DYM: variants seen among roughly 807,000 people sequenced by gnomAD.
The protein encoded by DYM is dyggve-Melchior-Clausen syndrome protein.
In DYM, 78 loss-of-function variants were observed where a neutral mutation model predicts 93.1. The observed-to-expected ratio is 0.84, with a 90% confidence interval of 0.70 to 1.01. DYM has a LOEUF of 1.01. Among genes scored for constraint, DYM ranks in the 50% least tolerant of loss-of-function variants. The pLI, the probability that DYM is intolerant of heterozygous loss-of-function variation, is 0.00. For missense variants in DYM, 789 were observed against 845.0 expected, an observed-to-expected ratio of 0.93 and a Z score of 0.82; for synonymous variants, 321 against 319.7, an observed-to-expected ratio of 1.00 and a Z score of -0.04.
In DYM at chr18:49,070,261, G is replaced by A. The variant is rs149409112; in HGVS notation, c.2026-26057C>T. Among the ~76,000 whole-genome samples the A allele has an allele frequency of 2.1e-3, 313 of 152,334 alleles. 2 individuals carry two copies. The highest frequency in any genetic ancestry group is 6.6e-3 in the African/African-American group (276 of 41,574). ...AACAGTTACTGAGAGCTTGCTTTGT[G>A]CTAGGGAGTTTACGTGCATTGTTTC... On this transcript the variant is annotated intron_variant, in intron 17 of 17. Coordinates refer to ENST00000675505, the MANE Select transcript of DYM (RefSeq NM_001353214.3).
intron 13 of DYM, among the ~76,000 whole-genome samples, chr18:49,231,053 T>G (rs1376117249): frequency 6.6e-6 from 1 of 152,240 alleles, no homozygotes; most frequent in African/African-American, 2.4e-5. Flanking sequence ...AATATTCATC[T>G]TTTAGATAGA....
chr18:49,365,123 A>G (rs2066402775), intron 5 of DYM, among the ~76,000 whole-genome samples: 1 of 152,142 alleles, frequency 6.6e-6, no homozygotes, highest in African/African-American at 2.4e-5. Flanking sequence ...AAAATCCAGC[A>G]GTTAATTGCA....
chr18:49,064,353 T>C (rs2076228263), intron 17 of DYM, among the ~76,000 whole-genome samples: 1 of 152,238 alleles, frequency 6.6e-6, no homozygotes, highest in Admixed American at 6.5e-5. Context: ...TTTAAGCTAA[T>C]CTTTTTATTC....
chr18:49,368,991 C>T (rs763984211), intron 5 of DYM, among the ~76,000 whole-genome samples: 3 of 152,258 alleles, frequency 2.0e-5, no homozygotes, highest in African/African-American at 4.8e-5. Context: ...GACCTGCCAG[C>T]GTGAGGCCAA....
chr18:49,155,568 GGC>G (rs2086309718), intron 15 of DYM, among the ~76,000 whole-genome samples: 1 of 152,082 alleles, frequency 6.6e-6, no homozygotes, highest in Non-Finnish European at 1.5e-5. Context: ...CCAGCCCTAA[GGC>G]ATCTACTATC....
chr18:49,391,785 C>CAAA, intron 2 of DYM, 140 bp from the exon 3 acceptor site: 1 of 542,052 alleles, frequency 1.8e-6, no homozygotes, highest in Non-Finnish European at 3.1e-6. Flanking sequence ...ATAAGATCAG[C>CAAA]AAAAAAAAAA....
At chr18:49,146,368 T>G (rs964062089) in intron 15 of DYM, among the ~76,000 whole-genome samples, 4 of 152,114 alleles carry the variant, frequency 2.6e-5, no homozygotes, top group African/African-American at 9.7e-5. Context: ...GAGAAGGAAA[T>G]AAAGGGTATT....
intron 1 of DYM, among the ~76,000 whole-genome samples, chr18:49,434,370 A>C (rs2096615485): frequency 6.6e-6 from 1 of 150,920 alleles, no homozygotes; most frequent in African/African-American, 2.4e-5. Flanking sequence ...AAATACAAAA[A>C]TTAGCTGGGC....
At chr18:49,360,565 T>C (rs948629447) in intron 6 of DYM, among the ~76,000 whole-genome samples, 3 of 151,416 alleles carry the variant, frequency 2.0e-5, no homozygotes, top group African/African-American at 7.3e-5. Context: ...GAGGTTGCAG[T>C]GAGCTGAGAT....
At chr18:49,220,214 T>C (rs2093290589) in intron 13 of DYM, among the ~76,000 whole-genome samples, 1 of 151,822 alleles carries the variant, frequency 6.6e-6, no homozygotes, top group African/African-American at 2.4e-5. Context: ...GAAGGACCTC[T>C]TCAAGGAGAA....
At chr18:49,218,036 C>T (rs1017014071) in intron 13 of DYM, among the ~76,000 whole-genome samples, 2 of 151,820 alleles carry the variant, frequency 1.3e-5, no homozygotes, top group Non-Finnish European at 2.9e-5. Context: ...CACAAATAGG[C>T]TCAAAATAAA....
chr18:49,235,593 A>G (rs1233911577), intron 13 of DYM, among the ~76,000 whole-genome samples: 1 of 152,200 alleles, frequency 6.6e-6, no homozygotes, highest in Non-Finnish European at 1.5e-5. Context: ...CAATTTTAAG[A>G]AAGTCCTTTT....
chr18:49,163,890 T>C (rs1236233098), intron 14 of DYM, 103 bp from the exon 15 acceptor site: 7 of 747,064 alleles, frequency 9.4e-6, no homozygotes, highest in East Asian at 2.8e-5. Context: ...TTCTAAAATA[T>C]ACTTGTAAAT....
rs143523925 is a variant in DYM at position 49,128,634 on chromosome 18, T to G, written c.1729-9708A>C. ...TACTTACATAATTTTTTAAAACCCCTTCCTAGTCTCAAGTCTCAGCTTCAT... is the reference window on the plus strand; with the variant it reads ...TACTTACATAATTTTTTAAAACCCCGTCCTAGTCTCAAGTCTCAGCTTCAT... On this transcript the variant is annotated intron_variant, in intron 15 of 17. Transcript: ENST00000675505. Among the ~76,000 whole-genome samples the G allele has an allele frequency of 1.1e-3, 171 of 152,268 alleles. 2 individuals carry two copies. The highest frequency in any genetic ancestry group is 0.011 in the East Asian group (55 of 5,188).
At chr18:49,274,375 T>G (rs2094795072) in intron 10 of DYM, among the ~76,000 whole-genome samples, 1 of 152,196 alleles carries the variant, frequency 6.6e-6, no homozygotes, top group Non-Finnish European at 1.5e-5. Context: ...ATACCACATT[T>G]CATTTATCCA....
chr18:49,289,869 A>T (rs956832584), intron 8 of DYM, among the ~76,000 whole-genome samples: 8 of 149,020 alleles, frequency 5.4e-5, no homozygotes, highest in South Asian at 4.2e-4. Context: ...AATAATTTTT[A>T]AAAATGTAAT....
intron 1 of DYM, among the ~76,000 whole-genome samples, chr18:49,450,860 T>C (rs966905848): frequency 6.6e-6 from 1 of 152,268 alleles, no homozygotes; most frequent in African/African-American, 2.4e-5. Context: ...ATTGTTGTTT[T>C]GCTTTGTTCC....
intron 8 of DYM, among the ~76,000 whole-genome samples, chr18:49,318,429 C>A (rs1023954126): frequency 1.3e-5 from 2 of 151,826 alleles, no homozygotes; most frequent in African/African-American, 4.8e-5. Context: ...ATAATCCTGG[C>A]CAAAATGATG....
At chr18:49,160,705 A>G (rs1004766810) in intron 15 of DYM, among the ~76,000 whole-genome samples, 9 of 152,124 alleles carry the variant, frequency 5.9e-5, no homozygotes, top group African/African-American at 2.2e-4. Flanking sequence ...TTATGTGGTT[A>G]CTGGCAAAGG....
Sources: allele counts gnomAD v4.1 joint callset (sites outside exome capture counted in the v4.1 genomes callset), GRCh38; gene constraint gnomAD v4.1.1; transcripts MANE v1.5; gene names NCBI Gene and HGNC (gene_info 2026-07-23, HGNC 2026-07-21).